The following PLCG2 variants were observed in gnomAD, a reference collection of about 807,000 sequenced individuals.
The protein encoded by PLCG2 is 1-phosphatidylinositol 4,5-bisphosphate phosphodiesterase gamma-2.
A neutral mutation model predicts 175.6 loss-of-function variants in PLCG2; 69 were observed. The observed-to-expected ratio is 0.39, with a 90% confidence interval of 0.32 to 0.48. The LOEUF is 0.48. Ranked by LOEUF, PLCG2 falls within the 20% of genes least tolerant of loss-of-function variation. The pLI, the probability that PLCG2 is intolerant of heterozygous loss-of-function variation, is 0.91. For synonymous variants in PLCG2, 827 were observed against 624.0 expected, an observed-to-expected ratio of 1.33 and a Z score of -4.85; for missense variants, 1,798 against 1,650.9, an observed-to-expected ratio of 1.09 and a Z score of -1.54.
intron 30 of PLCG2, 65 bp downstream of exon 30, chr16:81,940,124 C>A: frequency 7.4e-7 from 1 of 1,357,216 alleles, no homozygotes. Flanking sequence ...TGGCTGCTGG[C>A]TTCAAAAAGA....
chr16:81,866,143 A>C (rs1597362485), intron 5 of PLCG2, among the ~76,000 whole-genome samples: 1 of 91,792 alleles, frequency 1.1e-5, no homozygotes, highest in Admixed American at 1.0e-4. Context: ...GTGAGCTCCA[A>C]CTGGGGCACC....
chr16:81,837,330 C>T (rs1056919735), intron 2 of PLCG2, among the ~76,000 whole-genome samples: 10 of 152,222 alleles, frequency 6.6e-5, no homozygotes, highest in African/African-American at 1.9e-4. Context: ...TCCCAGCTGG[C>T]TTCTATAGCT....
rs1555509092 is a variant in PLCG2, at chr16:81,816,651, A to ACTTTTTTTTTTTTTTTTTTTTT, written c.193+30469_193+30470insCTTTTTTTTTTTTTTTTTTTTT. 2.8e-5 allele frequency among the ~76,000 whole-genome samples: 3 copies of ACTTTTTTTTTTTTTTTTTTTTT among 108,858 alleles called. 1 individual carries two copies. Among genetic ancestry groups the ACTTTTTTTTTTTTTTTTTTTTT allele is most frequent in the African/African-American group, 7.6e-5 (2 of 26,478 alleles). The allele number at this position is 108,858 out of a possible 152,430, so 71.4% of individuals were successfully genotyped here. On this transcript the variant is annotated intron_variant, in intron 2 of 32. Coordinates refer to ENST00000564138, the MANE Select transcript of PLCG2 (RefSeq NM_002661.5). ...GCACCACCATGCCCAGCTAATTTTAATTTTTTTTTTTTTTTTTTTTTTTTT... is the reference window on the plus strand; with the variant it reads ...GCACCACCATGCCCAGCTAATTTTAACTTTTTTTTTTTTTTTTTTTTTTTTTTTTTTTTTTTTTTTTTTTTTT...
upstream of PLCG2, among the ~76,000 whole-genome samples, chr16:81,778,032 C>CAAAACAAACAAACAAACAAACA (rs1910499311): frequency 1.7e-5 from 1 of 58,712 alleles, no homozygotes; most frequent in Admixed American, 1.9e-4. Flanking sequence ...AAAAAAAAAA[C>CAAAACAAACAAACAAACAAACA]AAAAAAAAAA....
At chr16:81,894,111 G>T (rs925849404) in intron 12 of PLCG2, among the ~76,000 whole-genome samples, 1 of 151,940 alleles carries the variant, frequency 6.6e-6, no homozygotes, top group Admixed American at 6.6e-5. Context: ...CACCTGGATT[G>T]GGGGGTCTCT....
At chr16:81,953,999 G>C (rs1911468020) in intron 31 of PLCG2, among the ~76,000 whole-genome samples, 1 of 152,218 alleles carries the variant, frequency 6.6e-6, no homozygotes, top group East Asian at 1.9e-4. Flanking sequence ...TCATGGTATA[G>C]TATTAAGACT....
chr16:81,791,984 C>G (rs558137154), intron 2 of PLCG2, among the ~76,000 whole-genome samples: 113 of 152,182 alleles, frequency 7.4e-4, no homozygotes, highest in Non-Finnish European at 2.9e-4. Flanking sequence ...CTTGCACCAA[C>G]TCAGATCAGC....
chr16:81,917,440 T>C (rs1455463496), intron 19 of PLCG2, among the ~76,000 whole-genome samples: 1 of 152,070 alleles, frequency 6.6e-6, no homozygotes, highest in Admixed American at 6.6e-5. Flanking sequence ...TCCCATGGTG[T>C]TCTATTTTTA....
At chr16:81,891,432 G>C in intron 10 of PLCG2, 40 bp from the exon 11 acceptor site, 1 of 1,117,202 alleles carries the variant, frequency 9.0e-7, no homozygotes, top group Non-Finnish European at 1.4e-6. Context: ...CATCCTGCCC[G>C]TCAACGTGAT....
chr16:81,799,852 T>C (rs1366323409), intron 2 of PLCG2, among the ~76,000 whole-genome samples: 26 of 151,692 alleles, frequency 1.7e-4, no homozygotes, highest in Middle Eastern at 3.4e-3. Context: ...CTTGGCCTCC[T>C]AAAGTGCTGG....
rs775298566 is a variant in PLCG2 at position 81,889,213 on chromosome 16, G to A, written c.807G>A (p.Met269Ile). The A allele has an allele frequency of 1.2e-6, 2 of 1,606,794 alleles. No homozygotes were observed. The highest frequency in any genetic ancestry group is 2.7e-5 in the African/African-American group (2 of 74,346). The part of the protein sequence containing the change: ...AQDLNKVRER[M>I]TKFIDDTMRE... ...ATCTGAACAAAGTCCGTGAGCGGATGACAAAGTTCATTGATGACACCATGC... is the reference window on the plus strand; with the variant it reads ...ATCTGAACAAAGTCCGTGAGCGGATAACAAAGTTCATTGATGACACCATGC... Residue 269 changes from methionine (M) to isoleucine (I), a missense_variant, in exon 10 of 33, where the codon ATG (methionine) becomes ATA (isoleucine). Transcript: ENST00000564138.
At position 81,958,081 on chromosome 16, in the gene PLCG2, G is replaced by A. The variant is rs1342044570; in HGVS notation, c.*83G>A. The A allele has an allele frequency of 1.1e-6, 1 of 947,984 alleles. No individual in the cohort carries two copies. Among genetic ancestry groups the A allele is most frequent in the Non-Finnish European group, 1.7e-6 (1 of 579,716 alleles). 58.7% of individuals were successfully genotyped at this position (947,984 alleles called of 1,614,324 possible). ...GAGAACGTGCCCTATTCACACTCTG[G>A]GAAGACGCTAATCTGTGACATCTTT... On this transcript the variant is annotated 3_prime_UTR_variant, in exon 33 of 33. Coordinates refer to ENST00000564138, the MANE Select transcript of PLCG2 (RefSeq NM_002661.5).
Position 81,912,168 on chromosome 16 carries a change from C to T in PLCG2, c.1935-429C>T, listed in dbSNP as rs1057448905. Among the ~76,000 whole-genome samples the T allele has an allele frequency of 5.9e-5, 9 of 152,142 alleles. No individual in the cohort carries two copies. The South Asian group carries it at 1.0e-3, about 18-fold the overall frequency. On this transcript the variant is annotated intron_variant, in intron 18 of 32. Coordinates refer to ENST00000564138, the MANE Select transcript of PLCG2 (RefSeq NM_002661.5). Reference sequence around the variant, plus strand: ...GGCTGGTCTTGAACTCCTGGCTTCTCGCGATCCACCTGCCTTGGCCTCCCA... The same window carrying T: ...GGCTGGTCTTGAACTCCTGGCTTCTTGCGATCCACCTGCCTTGGCCTCCCA...
chr16:81,957,532 G>A (rs1180057761), intron 32 of PLCG2, among the ~76,000 whole-genome samples: 3 of 152,116 alleles, frequency 2.0e-5, no homozygotes, highest in Non-Finnish European at 2.9e-5. Context: ...TCTAGACTGG[G>A]TCAAGATCCC....
At chr16:81,859,923 C>G (rs1261849001) in intron 5 of PLCG2, among the ~76,000 whole-genome samples, 1 of 152,038 alleles carries the variant, frequency 6.6e-6, no homozygotes, top group African/African-American at 2.4e-5. Flanking sequence ...TTAAAAGTAC[C>G]TCTTGGAGAA....
chr16:81,765,460 G>C (rs58294772), intron 2 of PLCG2, among the ~76,000 whole-genome samples: 1,883 of 151,824 alleles, frequency 0.012, 28 homozygotes, highest in African/African-American at 0.042. Context: ...ATGAAACCCT[G>C]TTTCTACATA....
chr16:81,824,408 A>G (rs1170770262), intron 2 of PLCG2, among the ~76,000 whole-genome samples: 1 of 152,208 alleles, frequency 6.6e-6, no homozygotes, highest in Non-Finnish European at 1.5e-5. Flanking sequence ...TGCTGGGATT[A>G]CAAGCGTGAG....
chr16:81,835,952 A>C (rs1905493254), intron 2 of PLCG2, among the ~76,000 whole-genome samples: 1 of 152,112 alleles, frequency 6.6e-6, no homozygotes, highest in East Asian at 1.9e-4. Flanking sequence ...GTTAGGACCC[A>C]CCCTAATCCA....
chr16:81,891,633 C>T (rs756516946), intron 11 of PLCG2, 43 bp downstream of exon 11: 2 of 1,140,026 alleles, frequency 1.8e-6, no homozygotes, highest in Non-Finnish European at 2.7e-6. Context: ...CAGCACAGAG[C>T]ACGTGAGGGT....
Sources: gnomAD v4.1 joint callset for allele counts (sites outside exome capture counted in the v4.1 genomes callset) on GRCh38, gnomAD v4.1.1 for gene constraint, MANE v1.5 for transcripts, NCBI Gene and HGNC (gene_info 2026-07-23, HGNC 2026-07-21) for gene names.